Variants in WDR54 observed in about 807,000 individuals in gnomAD.
The protein encoded by WDR54 is WD repeat-containing protein 54.
Under a neutral mutation model 44.1 loss-of-function variants are expected in WDR54, and 44 were observed. The ratio of observed to expected loss-of-function variants is 1.00; its 90% confidence interval spans 0.78 to 1.28. The LOEUF (loss-of-function observed/expected upper bound fraction) is 1.28, where lower values mean the gene tolerates loss of function less well. WDR54 is among the 50% of genes most tolerant of loss of function. WDR54 has a pLI of 0.00. For missense variants in WDR54, 409 were observed against 429.7 expected, an observed-to-expected ratio of 0.95 and a Z score of 0.43; for synonymous variants, 169 against 169.8, an observed-to-expected ratio of 1.00 and a Z score of 0.04.
At chr2:74,423,722 G>A (rs1276177167) in intron 5 of WDR54, 133 bp from the exon 6 acceptor site, 7 of 1,463,638 alleles carry the variant, frequency 4.8e-6, no homozygotes, top group South Asian at 1.3e-5. Flanking sequence ...AGTGAATGAA[G>A]GGGCATGGCC....
In WDR54 at chr2:74,422,150, C is replaced by A. The variant is rs1422818904; in HGVS notation, c.-1-3C>A. On this transcript the variant is annotated splice_polypyrimidine_tract_variant and splice_region_variant and intron_variant, in intron 1 of 9. Coordinates refer to ENST00000348227, the MANE Select transcript of WDR54 (RefSeq NM_032118.4). ...CTGGTGATTCGGCTGCACCCCCACACAGGATGTTCCGCTGGGAGCGCTCCA... is the reference window on the plus strand; with the variant it reads ...CTGGTGATTCGGCTGCACCCCCACAAAGGATGTTCCGCTGGGAGCGCTCCA... 3.1e-6 allele frequency: 5 copies of A among 1,611,954 alleles called. No individual in the cohort carries two copies. Among genetic ancestry groups the A allele is most frequent in the Non-Finnish European group, 4.2e-6 (5 of 1,179,458 alleles).
intron 2 of WDR54, 75 bp from the exon 3 acceptor site, chr2:74,422,793 CCA>C (rs878914341): frequency 0.013 from 12,035 of 946,230 alleles, 158 homozygotes; most frequent in Non-Finnish European, 0.014. Flanking sequence ...ACTCCGTCCC[CCA>C]AAAAAAAAAA....
intron 3 of WDR54, 51 bp from the exon 4 acceptor site, chr2:74,423,268 C>A: frequency 6.3e-7 from 1 of 1,589,906 alleles, no homozygotes; most frequent in South Asian, 1.1e-5. Context: ...GTGAAGTACT[C>A]AGCAGAGGTC....
chr2:74,425,729 G>T lies in WDR54; in HGVS notation c.*28G>T. The T allele has an allele frequency of 1.2e-6, 2 of 1,613,770 alleles. No homozygotes were observed. The highest frequency in any genetic ancestry group is 4.5e-5 in the East Asian group (2 of 44,886). ...AGAGCAGCCTTCCTTTGTCCCTGTG[G>T]TATTCATAAAGTACCCGCTCCACCC... On this transcript the variant is annotated 3_prime_UTR_variant, in exon 10 of 10. Coordinates refer to ENST00000348227, the MANE Select transcript of WDR54 (RefSeq NM_032118.4).
At chr2:74,423,086 CT>C in intron 3 of WDR54, 154 bp downstream of exon 3, 1 of 925,712 alleles carries the variant, frequency 1.1e-6, no homozygotes. Flanking sequence ...ATCTTTCCAT[CT>C]TTTCCAGTTT....
At position 74,423,399 on chromosome 2, in the gene WDR54, C is replaced by A. The variant is rs766896181; in HGVS notation, c.352+14C>A. 4 of 1,614,018 alleles carry A rather than the reference C, an allele frequency of 2.5e-6. No individual in the cohort carries two copies. The highest frequency in any genetic ancestry group is 1.3e-5 in the African/African-American group (1 of 74,892). On this transcript the variant is annotated intron_variant, in intron 4 of 9. Coordinates refer to ENST00000348227, the MANE Select transcript of WDR54 (RefSeq NM_032118.4). The stretch of plus-strand genomic sequence containing the variant: ...ATGCCTCCCCAGGTACCTGCAGGAC[C>A]AAGTGGGGTGGGGGCAGGGAGTGTT...
At position 74,423,063 on chromosome 2, in the gene WDR54, T is replaced by G. The variant is rs1427940044; in HGVS notation, c.285+131T>G. ...GCTTGGCCCACTCACTCTTTTTCTA[T>G]TTCTTATCTTCAATCTTTCCATCTT... On this transcript the variant is annotated intron_variant, in intron 3 of 9. Coordinates refer to ENST00000348227, the MANE Select transcript of WDR54 (RefSeq NM_032118.4). The G allele has an allele frequency of 2.5e-5, 25 of 1,000,034 alleles. 1 individual carries two copies. The Admixed American group carries it at 5.5e-4, about 22-fold the overall frequency. The allele number at this position is 1,000,034 out of a possible 1,614,324, so 61.9% of individuals were successfully genotyped here. A position where few individuals can be genotyped will look rare whatever the true frequency, so the allele number is the denominator to read the frequency against.
rs772307502 is a variant in WDR54 at position 74,424,018 on chromosome 2, C to G, written c.534+36C>G. On this transcript the variant is annotated intron_variant, in intron 6 of 9. Transcript: ENST00000348227. ...TTCCCCTACCCATCTGGGAGCCTTCCCCACCCTGGGAGGCAGGGGACCTGG... is the reference window on the plus strand; with the variant it reads ...TTCCCCTACCCATCTGGGAGCCTTCGCCACCCTGGGAGGCAGGGGACCTGG... The G allele has an allele frequency of 4.3e-6, 7 of 1,612,504 alleles. No individual in the cohort carries two copies. The African/African-American group carries it at 9.3e-5, about 22-fold the overall frequency.
chr2:74,425,408 C>T lies in WDR54; in HGVS notation c.799-9C>T, dbSNP rs1670330559. 1 of 1,614,018 alleles carries T rather than the reference C, an allele frequency of 6.2e-7. No individual in the cohort carries two copies. Among genetic ancestry groups the T allele is most frequent in the African/African-American group, 1.3e-5 (1 of 74,934 alleles). On this transcript the variant is annotated splice_polypyrimidine_tract_variant and intron_variant, in intron 8 of 9. Coordinates refer to ENST00000348227, the MANE Select transcript of WDR54 (RefSeq NM_032118.4). ...GGGCATTCTGACTCCCCCTCTTCCT[C>T]CTCCACAGCTACTCTCTGCAGGTGA...
chr2:74,424,877 T>C lies in WDR54; in HGVS notation c.537T>C (p.Asp179=), dbSNP rs750034224. The change falls in exon 7 of 10, where the codon GAT becomes GAC. Residue 179 remains aspartate (D), a splice_region_variant and synonymous_variant. Coordinates refer to ENST00000348227, the MANE Select transcript of WDR54 (RefSeq NM_032118.4). The part of the protein sequence containing the change: ...DIATEPAQGQ[D]CVADMVTADD... ...GTTGATCTTGCCTTTCCCTTCAGGA[T>C]TGTGTGGCTGACATGGTGACGGCAG... 2.5e-6 allele frequency: 4 copies of C among 1,613,972 alleles called. No homozygotes were observed. The highest frequency in any genetic ancestry group is 3.4e-6 in the Non-Finnish European group (4 of 1,180,006).
At chr2:74,422,670 GT>G (rs1670169677) in intron 2 of WDR54, 199 bp from the exon 3 acceptor site, 4 of 621,136 alleles carry the variant, frequency 6.4e-6, no homozygotes. Context: ...GCGTGCACCT[GT>G]AATCCCAGCT....
chr2:74,423,054 C>G, intron 3 of WDR54, 122 bp downstream of exon 3: 2 of 1,061,026 alleles, frequency 1.9e-6, no homozygotes, highest in Non-Finnish European at 2.8e-6. Flanking sequence ...CCCACTCACT[C>G]TTTTTCTATT....
At position 74,425,622 on chromosome 2, in the gene WDR54, G is replaced by A. The variant is rs200410842; in HGVS notation, c.926G>A (p.Arg309Gln). 5.6e-6 allele frequency: 9 copies of A among 1,614,206 alleles called. No individual in the cohort carries two copies. The East Asian group carries it at 1.1e-4, about 20-fold the overall frequency. The change falls in exon 10 of 10, where the codon CGA becomes CAA. Residue 309 changes from arginine (R) to glutamine (Q), a missense_variant. By Grantham distance (43) the Arg-to-Gln change is conservative (BLOSUM62 1). Coordinates refer to ENST00000348227, the MANE Select transcript of WDR54 (RefSeq NM_032118.4). ...CVADTQLCGA[R>Q]FCDSSGNSFA... The stretch of plus-strand genomic sequence containing the variant: ...GCCGACACCCAGCTGTGTGGTGCTC[G>A]ATTTTGTGATTCCTCAGGCAACTCC...
chr2:74,422,270 A>C lies in WDR54; in HGVS notation c.117A>C (p.Gly39=), dbSNP rs1255575608. ...TCACGTATTTTGGCGTGGTTCATGG[A>C]CCAAGCGCCCAGCTTCTCAGCGCTG... The part of the protein sequence containing the change: ...RNLTYFGVVH[G]PSAQLLSAAP... The change falls in exon 2 of 10, where the codon GGA becomes GGC. Residue 39 remains glycine (G), a synonymous_variant. Coordinates refer to ENST00000348227, the MANE Select transcript of WDR54 (RefSeq NM_032118.4). 2.5e-6 allele frequency: 4 copies of C among 1,614,060 alleles called. No individual in the cohort carries two copies. The highest frequency in any genetic ancestry group is 3.4e-6 in the Non-Finnish European group (4 of 1,180,050).
chr2:74,423,166 C>A, intron 3 of WDR54, 153 bp from the exon 4 acceptor site: 1 of 979,554 alleles, frequency 1.0e-6, no homozygotes, highest in Non-Finnish European at 1.6e-6. Context: ...TTCTCACTCT[C>A]ACTGTTGTCC....
intron 1 of WDR54, 21 bp downstream of exon 1, chr2:74,421,837 C>T: frequency 1.5e-6 from 1 of 654,718 alleles, no homozygotes; most frequent in Admixed American, 2.7e-5. Context: ...TGATCTAGGC[C>T]GGGGGCTTCA....
intron 2 of WDR54, 75 bp downstream of exon 2, chr2:74,422,450 G>T (rs1458844900): frequency 2.7e-6 from 4 of 1,469,680 alleles, no homozygotes; most frequent in Non-Finnish European, 3.7e-6. Flanking sequence ...ACCTTCAGGA[G>T]CAGGCATGTC....
intron 3 of WDR54, 174 bp downstream of exon 3, chr2:74,423,106 C>T (rs1209140726): frequency 1.2e-6 from 1 of 841,292 alleles, no homozygotes; most frequent in Non-Finnish European, 1.9e-6. Flanking sequence ...TTCCAAGTGC[C>T]ACCTCCAGTA....
chr2:74,422,997 A>G, intron 3 of WDR54, 65 bp downstream of exon 3: 1 of 1,537,058 alleles, frequency 6.5e-7, no homozygotes, highest in Middle Eastern at 1.7e-4. Context: ...AGGCTTCCAG[A>G]CTTTCCCACT....
Sources: gnomAD v4.1 joint callset for allele counts on GRCh38, gnomAD v4.1.1 for gene constraint, MANE v1.5 for transcripts, NCBI Gene and HGNC (gene_info 2026-07-23, HGNC 2026-07-21) for gene names.